The following RORA variants were observed in gnomAD, a reference collection of about 807,000 sequenced individuals.
The protein encoded by RORA is nuclear receptor ROR-alpha.
A neutral mutation model predicts 69.5 loss-of-function variants in RORA; 7 were observed. The observed-to-expected ratio is 0.10, with a 90% CI of 0.06 to 0.19. The LOEUF is 0.19. Ranked by LOEUF, RORA falls within the 10% of genes least tolerant of loss-of-function variation. The pLI, the probability that RORA is intolerant of heterozygous loss-of-function variation, is 1.00. For synonymous variants in RORA, 261 were observed against 240.8 expected (o/e 1.08, Z -0.78); for missense variants, 457 against 663.0 (o/e 0.69, Z 3.41).
chr15:60,762,423 A>G (rs1383704713), intron 1 of RORA, among the ~76,000 whole-genome samples: 2 of 152,220 alleles, frequency 1.3e-5, no homozygotes, highest in African/African-American at 4.8e-5. Context: ...CTGTATTTCT[A>G]TCAAACCAGA....
At chr15:61,117,385 G>A (rs1288259039) in intron 1 of RORA, among the ~76,000 whole-genome samples, 1 of 152,096 alleles carries the variant, frequency 6.6e-6, no homozygotes, top group Non-Finnish European at 1.5e-5. Flanking sequence ...TTAATGTGTA[G>A]ATATTAAGAA....
intron 1 of RORA, among the ~76,000 whole-genome samples, chr15:61,170,268 G>A (rs191925798): frequency 6.6e-6 from 1 of 152,320 alleles, no homozygotes; most frequent in East Asian, 1.9e-4. Context: ...TCTGAAAGCT[G>A]TAGGGAGAAA....
chr15:60,622,496 CAGCTACTCAGGAGGCTGAG>C (rs371907815), intron 2 of RORA, among the ~76,000 whole-genome samples: 25 of 151,952 alleles, frequency 1.6e-4, no homozygotes, highest in African/African-American at 6.0e-4. Flanking sequence ...CCTGTAGTCC[CAGCTACTCAGGAGGCTGAG>C]ATAGGAGAAC....
Position 60,661,587 on chromosome 15 carries a change from A to G in RORA, c.196+17070T>C, listed in dbSNP as rs1359261959. ...TGAGACCAGGTAAAGGGTTTCTCCC[A>G]TCTATTAATTCTCTTTGAATAAGGG... is the stretch of plus-strand genomic sequence containing the variant. On this transcript the variant is annotated intron_variant, in intron 2 of 10. Transcript: ENST00000335670. Among the ~76,000 whole-genome samples, 9 of 152,334 alleles carry G rather than the reference A, an allele frequency of 5.9e-5. No individual in the cohort carries two copies. In the East Asian group the frequency reaches 1.3e-3, roughly 23 times the overall value.
At chr15:60,688,420 A>G (rs1226285747) in intron 1 of RORA, among the ~76,000 whole-genome samples, 1 of 152,200 alleles carries the variant, frequency 6.6e-6, no homozygotes, top group Non-Finnish European at 1.5e-5. Context: ...TAAGAAAGAA[A>G]AGTTAATATT....
chr15:61,146,575 A>G (rs1301637880), intron 1 of RORA, among the ~76,000 whole-genome samples: 1 of 152,172 alleles, frequency 6.6e-6, no homozygotes, highest in Admixed American at 6.5e-5. Context: ...GTGCATTTAC[A>G]TAATTGATTC....
intron 1 of RORA, among the ~76,000 whole-genome samples, chr15:60,707,100 C>A (rs988802628): frequency 6.6e-6 from 1 of 152,168 alleles, no homozygotes; most frequent in Non-Finnish European, 1.5e-5. Context: ...CTCAACAAGT[C>A]CATCCGATGG....
intron 1 of RORA, among the ~76,000 whole-genome samples, chr15:61,186,677 A>G (rs575086179): frequency 3.2e-4 from 48 of 151,366 alleles, no homozygotes; most frequent in African/African-American, 1.1e-3. Flanking sequence ...AGGGAAAAAG[A>G]AAAAGAATCC....
chr15:60,678,922 G>A (rs945766252), intron 1 of RORA, among the ~76,000 whole-genome samples: 5 of 152,160 alleles, frequency 3.3e-5, no homozygotes, highest in African/African-American at 9.7e-5. Flanking sequence ...TAAAAGTGGG[G>A]AGCATGGACA....
chr15:60,514,872 T>C (rs1472468846), intron 3 of RORA, 115 bp from the exon 4 acceptor site: 2 of 739,228 alleles, frequency 2.7e-6, no homozygotes, highest in East Asian at 2.7e-5. Context: ...ATTAAACTTG[T>C]AGCAGAATCA....
chr15:60,660,753 GAAA>G (rs56353538), intron 2 of RORA, among the ~76,000 whole-genome samples: 1 of 150,698 alleles, frequency 6.6e-6, no homozygotes, highest in African/African-American at 2.5e-5. Context: ...CACACTGAAA[GAAA>G]AAAAAAACTA....
chr15:61,161,541 T>C (rs1201134706), intron 1 of RORA, among the ~76,000 whole-genome samples: 2 of 152,204 alleles, frequency 1.3e-5, no homozygotes, highest in African/African-American at 2.4e-5. Flanking sequence ...ACATAGCATG[T>C]GCTCCATAAA....
intron 1 of RORA, among the ~76,000 whole-genome samples, chr15:61,123,217 A>AG (rs1249516986): frequency 6.6e-6 from 1 of 151,966 alleles, no homozygotes; most frequent in Non-Finnish European, 1.5e-5. Context: ...GGCGGTGGGT[A>AG]GGGGGTGCAC....
intron 1 of RORA, among the ~76,000 whole-genome samples, chr15:60,734,250 A>T (rs1196226908): frequency 6.6e-6 from 1 of 152,102 alleles, no homozygotes; most frequent in Admixed American, 6.5e-5. Context: ...TAAAATACAA[A>T]CCTGAGTCTC....
chr15:61,089,298 T>G (rs1266329651), intron 1 of RORA, among the ~76,000 whole-genome samples: 1 of 152,174 alleles, frequency 6.6e-6, no homozygotes, highest in Non-Finnish European at 1.5e-5. Flanking sequence ...CCTCAAAGCC[T>G]GCCTTAGTTT....
intron 1 of RORA, among the ~76,000 whole-genome samples, chr15:61,155,521 C>T (rs1044332361): frequency 3.9e-5 from 6 of 152,080 alleles, no homozygotes; most frequent in African/African-American, 1.2e-4. Flanking sequence ...AAGAGTTGCC[C>T]GGTTTTCCCT....
intron 3 of RORA, among the ~76,000 whole-genome samples, chr15:60,515,569 A>G (rs1385801003): frequency 6.6e-6 from 1 of 152,072 alleles, no homozygotes; most frequent in Non-Finnish European, 1.5e-5. Flanking sequence ...TTCACTGTTT[A>G]TTCTTAGAGT....
intron 1 of RORA, chr15:60,848,378 GA>G: frequency 6.6e-6 from 1 of 152,452 alleles, no homozygotes; most frequent in Non-Finnish European, 1.5e-5. Flanking sequence ...CCTCATAAGG[GA>G]AAAAGAGGGA....
At chr15:61,013,779 C>CTTTTT (rs3053960) in intron 1 of RORA, among the ~76,000 whole-genome samples, 1 of 70,930 alleles carries the variant, frequency 1.4e-5, no homozygotes, top group Non-Finnish European at 2.5e-5. Flanking sequence ...ACTGGGTTGG[C>CTTTTT]TTTTTTTTTT....
Sources: gnomAD v4.1 joint callset for allele counts (sites outside exome capture counted in the v4.1 genomes callset) on GRCh38, gnomAD v4.1.1 for gene constraint, MANE v1.5 for transcripts, NCBI Gene and HGNC (gene_info 2026-07-23, HGNC 2026-07-21) for gene names.